DMC1: variants seen among roughly 807,000 people sequenced by gnomAD.
DMC1 encodes DNA meiotic recombinase 1.
A neutral mutation model predicts 50.1 loss-of-function variants in DMC1; 27 were observed. The ratio of observed to expected loss-of-function variants is 0.54; its 90% CI spans 0.40 to 0.74. The LOEUF (loss-of-function observed/expected upper bound fraction) is 0.74, where lower values mean the gene tolerates loss of function less well. Ranked by LOEUF, DMC1 falls within the 30% of genes least tolerant of loss-of-function variation. The pLI is 0.00. For missense variants in DMC1, 295 were observed against 420.2 expected (o/e 0.70, Z 2.60); for synonymous variants, 148 against 136.1 (o/e 1.09, Z -0.61).
the DMC1 span, among the ~76,000 whole-genome samples, chr22:38,509,911 C>T: frequency 1.1e-4 from 16 of 152,106 alleles, no homozygotes; most frequent in Non-Finnish European, 2.2e-4. Flanking sequence ...AAGTGATCCA[C>T]CCACCTTGGC....
intron 5 of DMC1, among the ~76,000 whole-genome samples, chr22:38,560,550 A>AGG (rs1178205376): frequency 6.6e-6 from 1 of 151,550 alleles, no homozygotes; most frequent in Non-Finnish European, 1.5e-5. Context: ...TCAAGGAGGG[A>AGG]GGTTAATTAG....
intron 8 of DMC1, among the ~76,000 whole-genome samples, chr22:38,543,090 C>G (rs2090304136): frequency 1.3e-5 from 2 of 152,148 alleles, no homozygotes; most frequent in African/African-American, 2.4e-5. Flanking sequence ...AGACCTCAAA[C>G]TATGAAACTA....
rs985178146 is a variant in DMC1, at chr22:38,556,587, T to C, written c.327-1178A>G. ...CAGATTCTGACAGCATACATTTAAT[T>C]GGTAGCCCAATGTTGTAGTGCATTT... is the stretch of plus-strand genomic sequence containing the variant. On this transcript the variant is annotated intron_variant, in intron 5 of 13. Coordinates refer to ENST00000216024, the MANE Select transcript of DMC1 (RefSeq NM_007068.4). Among the ~76,000 whole-genome samples, 4 of 152,206 alleles carry C rather than the reference T, an allele frequency of 2.6e-5. No homozygotes were observed. The East Asian group carries it at 5.8e-4, about 22-fold the overall frequency.
In DMC1 at chr22:38,562,798, CACATAT is replaced by C. The variant is rs753262909; in HGVS notation, c.244-435_244-430del. Among the ~76,000 whole-genome samples, 614 of 151,854 alleles carry C rather than the reference CACATAT, an allele frequency of 4.0e-3. 4 individuals are homozygous for C. Among genetic ancestry groups the C allele is most frequent in the African/African-American group, 0.014 (563 of 41,354 alleles). ...ATATGTGTATACATATACATATATACACATATACATATACATATATACACACATATA... is the reference window on the plus strand; with the variant it reads ...ATATGTGTATACATATACATATATACACATATACATATATACACACATATA... On this transcript the variant is annotated intron_variant, in intron 4 of 13. Transcript: ENST00000216024.
chr22:38,538,992 T>C (rs981107276), intron 9 of DMC1, among the ~76,000 whole-genome samples: 2 of 149,778 alleles, frequency 1.3e-5, no homozygotes, highest in Non-Finnish European at 3.0e-5. Context: ...GCCGAGATCA[T>C]ACCACTGCAC....
chr22:38,521,763 G>A, intron 12 of DMC1, 39 bp from the exon 13 acceptor site: 1 of 1,366,040 alleles, frequency 7.3e-7, no homozygotes, highest in Non-Finnish European at 1.0e-6. Context: ...TCATCATATG[G>A]ACTATATATG....
chr22:38,554,422 G>C (rs914853711), intron 6 of DMC1, among the ~76,000 whole-genome samples: 1 of 125,152 alleles, frequency 8.0e-6, no homozygotes, highest in Admixed American at 8.6e-5. Flanking sequence ...ATGAAAACCA[G>C]ATTTAGTGCC....
At position 38,525,521 on chromosome 22, in the gene DMC1, AC is replaced by A. The variant is rs1324856083; in HGVS notation, c.837-3798del. 2.0e-4 allele frequency among the ~76,000 whole-genome samples: 30 copies of A among 152,306 alleles called. 1 individual carries two copies. Among genetic ancestry groups the A allele is most frequent in the Non-Finnish European group, 4.4e-5 (3 of 68,030 alleles). On this transcript the variant is annotated intron_variant, in intron 12 of 13. Transcript: ENST00000216024. ...ACCCAATGTGCAAAAAAGAATAGAG[AC>A]AATTGCTTGTCATTACTGTAGGTGA...
At chr22:38,545,911 A>C (rs1040405180) in intron 8 of DMC1, 4 of 152,222 alleles carry the variant, frequency 2.6e-5, no homozygotes, top group African/African-American at 9.7e-5. Context: ...ATAATTAAGG[A>C]GGCAAAATAT....
At chr22:38,521,331 C>T (rs550049166) in intron 13 of DMC1, among the ~76,000 whole-genome samples, 4 of 152,156 alleles carry the variant, frequency 2.6e-5, no homozygotes, top group Admixed American at 6.6e-5. Flanking sequence ...ATCCCTCAAT[C>T]CCTAGTACCT....
downstream of DMC1, among the ~76,000 whole-genome samples, chr22:38,515,827 C>T (rs144384056): frequency 2.0e-4 from 30 of 152,108 alleles, 1 homozygote; most frequent in East Asian, 5.6e-3. Context: ...AACAAACAAA[C>T]TTGTTTTTGC....
At chr22:38,545,467 G>GGC (rs2095344555) in intron 8 of DMC1, among the ~76,000 whole-genome samples, 2 of 151,928 alleles carry the variant, frequency 1.3e-5, no homozygotes, top group Admixed American at 6.6e-5. Flanking sequence ...CTGTCGCCCA[G>GGC]GCCGGACTGC....
At chr22:38,568,483 G>A in intron 1 of DMC1, 194 bp from the exon 2 acceptor site, 2 of 576,948 alleles carry the variant, frequency 3.5e-6, no homozygotes, top group Non-Finnish European at 6.2e-6. Flanking sequence ...GCATGTGTGT[G>A]TGTGTCCCCA....
chr22:38,553,357 G>A (rs1412489061), intron 6 of DMC1, among the ~76,000 whole-genome samples: 1 of 150,454 alleles, frequency 6.6e-6, no homozygotes, highest in Non-Finnish European at 1.5e-5. Context: ...AATTAGCTGG[G>A]TGTGGTGGTG....
At chr22:38,566,274 GAAAA>G (rs547899560) in intron 4 of DMC1, among the ~76,000 whole-genome samples, 1 of 67,680 alleles carries the variant, frequency 1.5e-5, no homozygotes. Flanking sequence ...CTCTGTCTCA[GAAAA>G]AAAAAAAAAA....
chr22:38,560,423 AG>A (rs1314681986), intron 5 of DMC1, among the ~76,000 whole-genome samples: 3 of 151,960 alleles, frequency 2.0e-5, no homozygotes, highest in African/African-American at 7.3e-5. Context: ...TCTGAGTGAG[AG>A]GGGGAATCAT....
chr22:38,527,248 A>G (rs907786990), intron 12 of DMC1, among the ~76,000 whole-genome samples: 1 of 151,768 alleles, frequency 6.6e-6, no homozygotes, highest in African/African-American at 2.4e-5. Flanking sequence ...TCTGCCATCC[A>G]GGCTAGAGTT....
chr22:38,553,141 C>T (rs1485653234), intron 6 of DMC1, among the ~76,000 whole-genome samples: 1 of 151,600 alleles, frequency 6.6e-6, no homozygotes, highest in Non-Finnish European at 1.5e-5. Flanking sequence ...AGCCACCACG[C>T]CCGGCCTTAT....
At chr22:38,563,810 C>T (rs1428064388) in intron 4 of DMC1, among the ~76,000 whole-genome samples, 2 of 152,010 alleles carry the variant, frequency 1.3e-5, no homozygotes, top group Non-Finnish European at 2.9e-5. Context: ...CGCCATTCTC[C>T]TGACTCAGCC....
Sources: allele counts gnomAD v4.1 joint callset (sites outside exome capture counted in the v4.1 genomes callset), GRCh38; gene constraint gnomAD v4.1.1; transcripts MANE v1.5; gene names NCBI Gene and HGNC (gene_info 2026-07-23, HGNC 2026-07-21).